Variants in AGPAT5 observed in about 807,000 individuals in gnomAD.
The protein encoded by AGPAT5 is 1-acyl-sn-glycerol-3-phosphate acyltransferase epsilon.
Under a neutral mutation model 45.6 loss-of-function variants are expected in AGPAT5, and 46 were observed. The ratio of observed to expected loss-of-function variants is 1.01; its 90% CI spans 0.80 to 1.29. AGPAT5 has a LOEUF of 1.29. Among genes scored for constraint, AGPAT5 ranks in the 50% most tolerant of loss-of-function variants. The pLI is 0.00. For missense variants in AGPAT5, 673 were observed against 450.7 expected (o/e 1.49, Z -4.47); for synonymous variants, 272 against 167.0 (o/e 1.63, Z -4.85).
intron 4 of AGPAT5, among the ~76,000 whole-genome samples, chr8:6,736,630 G>T (rs532739676): frequency 2.2e-4 from 34 of 152,358 alleles, no homozygotes; most frequent in African/African-American, 8.2e-4. Flanking sequence ...GAAGCCTCAG[G>T]TGGGAGTGTC....
intron 6 of AGPAT5, among the ~76,000 whole-genome samples, chr8:6,754,730 C>T (rs991210168): frequency 2.0e-5 from 3 of 152,098 alleles, no homozygotes; most frequent in African/African-American, 7.2e-5. Flanking sequence ...GAGGAGGCTC[C>T]AGCTTCCTAT....
At chr8:6,745,843 C>T (rs562935111) in intron 5 of AGPAT5, 20 of 152,134 alleles carry the variant, frequency 1.3e-4, no homozygotes, top group African/African-American at 4.6e-4. Flanking sequence ...TGCTTAGCTT[C>T]GGTTGATTCT....
At chr8:6,734,919 T>A (rs944370070) in intron 4 of AGPAT5, among the ~76,000 whole-genome samples, 2 of 152,138 alleles carry the variant, frequency 1.3e-5, no homozygotes, top group Admixed American at 6.5e-5. Flanking sequence ...TCAGTGTCTA[T>A]TTCACACTCA....
chr8:6,757,275 T>A lies in AGPAT5; in HGVS notation c.982T>A (p.Leu328Ile), dbSNP rs1225409971. ...IKKTLPSMLI[L>I]SGLTAGMLMT... ...GAAGACTTTACCATCAATGTTGATC[T>A]TAAGTGGTTTGACTGCAGGCATGCT... The change falls in exon 8 of 8, where the codon TTA (leucine) becomes ATA (isoleucine). Residue 328 changes from leucine (L) to isoleucine (I), a missense_variant. By Grantham distance (5) the Leu-to-Ile change is conservative. Coordinates refer to ENST00000285518, the MANE Select transcript of AGPAT5 (RefSeq NM_018361.5). 6.2e-7 allele frequency: 1 copy of A among 1,614,116 alleles called. No individual in the cohort carries two copies.
intron 1 of AGPAT5, chr8:6,709,643 C>T (rs1450847564): frequency 6.6e-6 from 1 of 151,762 alleles, no homozygotes; most frequent in African/African-American, 2.4e-5. Context: ...CTAATGTCCA[C>T]CTAGTCCTCT....
chr8:6,722,731 T>C (rs1800546758), intron 1 of AGPAT5, among the ~76,000 whole-genome samples: 1 of 152,234 alleles, frequency 6.6e-6, no homozygotes, highest in African/African-American at 2.4e-5. Flanking sequence ...ATAAGTTTTT[T>C]TGACGAAAGC....
intron 1 of AGPAT5, among the ~76,000 whole-genome samples, chr8:6,711,636 C>T (rs561567553): frequency 3.3e-5 from 5 of 152,282 alleles, no homozygotes; most frequent in South Asian, 2.1e-4. Context: ...TCAAACTAAG[C>T]GGCTTAAAAT....
chr8:6,738,534 T>C (rs1027777147), intron 4 of AGPAT5: 3 of 152,156 alleles, frequency 2.0e-5, no homozygotes, highest in African/African-American at 7.2e-5. Flanking sequence ...TACCGAAATA[T>C]GACACAGAGA....
chr8:6,743,784 T>A (rs77779016), intron 5 of AGPAT5, among the ~76,000 whole-genome samples: 1 of 149,264 alleles, frequency 6.7e-6, no homozygotes, highest in South Asian at 2.1e-4. Context: ...TTTTTTTTTT[T>A]AATTGCCATG....
At chr8:6,715,127 C>T (rs1401199537) in intron 1 of AGPAT5, among the ~76,000 whole-genome samples, 1 of 152,096 alleles carries the variant, frequency 6.6e-6, no homozygotes, top group East Asian at 1.9e-4. Context: ...GTTTGATAGA[C>T]AATGTACCTG....
At chr8:6,756,197 C>T (rs1801827215) in intron 7 of AGPAT5, among the ~76,000 whole-genome samples, 1 of 152,162 alleles carries the variant, frequency 6.6e-6, no homozygotes, top group African/African-American at 2.4e-5. Flanking sequence ...GTTAACTATG[C>T]TGTTTTCCTT....
intron 2 of AGPAT5, among the ~76,000 whole-genome samples, chr8:6,726,678 G>A (rs1021926505): frequency 3.9e-5 from 6 of 152,196 alleles, no homozygotes; most frequent in South Asian, 2.1e-4. Context: ...GGACTAGAAG[G>A]TACTATGGGA....
rs369507915 is a variant in AGPAT5, at chr8:6,721,240, G to A, written c.220-3630G>A. ...TAATGATTAACTGGTAATATATTTC[G>A]TTGGCATAAAAATACATTTAAAAGT... On this transcript the variant is annotated intron_variant, in intron 1 of 7. Transcript: ENST00000285518. Among the ~76,000 whole-genome samples the A allele has an allele frequency of 2.1e-3, 312 of 152,194 alleles. 9 individuals carry two copies. The South Asian group carries it at 0.057, about 28-fold the overall frequency.
Position 6,730,347 on chromosome 8 carries a change from TTG to T in AGPAT5, c.290-363_290-362del, listed in dbSNP as rs1473860577. Among the ~76,000 whole-genome samples, 4 of 33,112 alleles carry T rather than the reference TTG, an allele frequency of 1.2e-4. 2 individuals carry two copies. Among genetic ancestry groups the T allele is most frequent in the Non-Finnish European group, 1.9e-4 (4 of 20,704 alleles). 21.7% of individuals were successfully genotyped at this position (33,112 alleles called of 152,430 possible). ...TTTTTTTTTTTTTTTTTTTTTTTTT[TTG>T]GAGACGGAGTCTCGCTGTCGCCCAG... On this transcript the variant is annotated intron_variant, in intron 2 of 7. Transcript: ENST00000285518.
Position 6,755,182 on chromosome 8 carries a change from A to C in AGPAT5, c.869+8A>C, listed in dbSNP as rs750346829. On this transcript the variant is annotated splice_region_variant and intron_variant, in intron 7 of 7. Transcript: ENST00000285518. ...TTTCGAAATCAAAGATAAGTGAGTA[A>C]CAACAGTTCCAGCACTTCCGGAACT... 6.3e-7 allele frequency: 1 copy of C among 1,594,012 alleles called. No individual in the cohort carries two copies. Among genetic ancestry groups the C allele is most frequent in the Non-Finnish European group, 8.5e-7 (1 of 1,176,272 alleles).
intron 4 of AGPAT5, 143 bp downstream of exon 4, chr8:6,732,793 C>T (rs1484163158): frequency 1.3e-6 from 1 of 749,222 alleles, no homozygotes; most frequent in East Asian, 3.0e-5. Context: ...TAACAGAAAC[C>T]CTCTATGTAC....
intron 7 of AGPAT5, among the ~76,000 whole-genome samples, chr8:6,755,770 A>G (rs1383869837): frequency 1.3e-5 from 2 of 152,194 alleles, no homozygotes; most frequent in South Asian, 4.1e-4. Context: ...TTTACAGTAC[A>G]GTGTTTTTAA....
chr8:6,755,035 T>A lies in AGPAT5; in HGVS notation c.746-16T>A. ...TAAAATAGTAAAAAAAAAGAATTAT[T>A]TTTGTTCTTTGTTAGAATTTCTCTG... is the stretch of plus-strand genomic sequence containing the variant. On this transcript the variant is annotated splice_polypyrimidine_tract_variant and intron_variant, in intron 6 of 7. Coordinates refer to ENST00000285518, the MANE Select transcript of AGPAT5 (RefSeq NM_018361.5). 1 of 1,560,572 alleles carries A rather than the reference T, an allele frequency of 6.4e-7. No homozygotes were observed. Among genetic ancestry groups the A allele is most frequent in the Non-Finnish European group, 8.7e-7 (1 of 1,155,734 alleles).
At position 6,708,664 on chromosome 8, in the gene AGPAT5, A is replaced by T; in HGVS notation, c.-5A>T. On this transcript the variant is annotated 5_prime_UTR_variant, in exon 1 of 8. Coordinates refer to ENST00000285518, the MANE Select transcript of AGPAT5 (RefSeq NM_018361.5). The stretch of plus-strand genomic sequence containing the variant: ...GGCGGAGCTCGCTGCCGCCGAGCTG[A>T]GAAGATGCTGCTGTCCCTGGTGCTC... 1 of 1,563,314 alleles carries T rather than the reference A, an allele frequency of 6.4e-7. No individual in the cohort carries two copies. Among genetic ancestry groups the T allele is most frequent in the Admixed American group, 1.8e-5 (1 of 55,816 alleles).
Sources: gnomAD v4.1 joint callset for allele counts (sites outside exome capture counted in the v4.1 genomes callset) on GRCh38, gnomAD v4.1.1 for gene constraint, MANE v1.5 for transcripts, NCBI Gene and HGNC (gene_info 2026-07-23, HGNC 2026-07-21) for gene names.